CADM4: variants seen among roughly 807,000 people sequenced by gnomAD.
CADM4 encodes the protein cell adhesion molecule 4, also known as TSLC1-like 2.
In CADM4, 13 loss-of-function variants were observed where a neutral mutation model predicts 43.9. That is an observed-to-expected ratio of 0.30 (90% CI 0.19 to 0.47). CADM4 has a LOEUF of 0.47. Among genes scored for constraint, CADM4 ranks in the 20% least tolerant of loss-of-function variants. CADM4 has a pLI of 1.00. For missense variants in CADM4, 420 were observed against 527.0 expected, an observed-to-expected ratio of 0.80 and a Z score of 1.99; for synonymous variants, 209 against 220.9, an observed-to-expected ratio of 0.95 and a Z score of 0.48.
chr19:43,638,466 G>C (rs764490920), intron 1 of CADM4, among the ~76,000 whole-genome samples: 5 of 152,256 alleles, frequency 3.3e-5, no homozygotes, highest in Non-Finnish European at 7.3e-5. Flanking sequence ...CAGCCCTCCT[G>C]CTTCTGCCTA....
chr19:43,627,863 T>C lies in CADM4; in HGVS notation c.65-73A>G. ...CAATTCAATTTTTTCTTTCTCCCTCTTCCCCATCCAAACCTCCAATCCCTC... is the reference window on the plus strand; with the variant it reads ...CAATTCAATTTTTTCTTTCTCCCTCCTCCCCATCCAAACCTCCAATCCCTC... On this transcript the variant is annotated intron_variant, in intron 1 of 8. Coordinates refer to ENST00000222374, the MANE Select transcript of CADM4 (RefSeq NM_145296.2). The surrounding 1 kb of genome is among the most constrained non-coding windows in gnomAD (Gnocchi z 4.0). 1 of 1,463,994 alleles carries C rather than the reference T, an allele frequency of 6.8e-7. No individual in the cohort carries two copies. The highest frequency in any genetic ancestry group is 1.2e-5 in the South Asian group (1 of 80,392). The allele number at this position is 1,463,994 out of a possible 1,614,324, so 90.7% of individuals were successfully genotyped here.
chr19:43,640,002 G>A (rs1409866971), upstream of CADM4, among the ~76,000 whole-genome samples: 1 of 150,532 alleles, frequency 6.6e-6, no homozygotes, highest in African/African-American at 2.4e-5. Context: ...GGGTGCGAAA[G>A]CTGGAGAGGA....
chr19:43,625,927 C>T lies in CADM4; in HGVS notation c.739G>A (p.Val247Ile). ...AGAGCTCACCTGGGGTTCCCCGTGACAGCACACGTCAACACCAGCGTGTCT... is the reference window on the plus strand; with the variant it reads ...AGAGCTCACCTGGGGTTCCCCGTGATAGCACACGTCAACACCAGCGTGTCT... Reference protein sequence around the residue: ...EGDTLVLTCAVTGNPRPNQIR... With the variant: ...EGDTLVLTCAITGNPRPNQIR... Residue 247 changes from valine to isoleucine, a missense_variant, in exon 6 of 9, where the codon GTC becomes ATC. Val to Ile is a conservative substitution (Grantham distance 29, BLOSUM62 3). Coordinates refer to ENST00000222374, the MANE Select transcript of CADM4 (RefSeq NM_145296.2). This position sits in a 1 kb window ranked among gnomAD's most constrained non-coding sequence, Gnocchi z 4.5. The T allele has an allele frequency of 6.2e-7, 1 of 1,614,114 alleles. No individual in the cohort carries two copies. The highest frequency in any genetic ancestry group is 8.5e-7 in the Non-Finnish European group (1 of 1,179,986).
chr19:43,639,627 C>A lies in CADM4; in HGVS notation c.64+100G>T, dbSNP rs1035028419. 60 of 696,320 alleles carry A rather than the reference C, an allele frequency of 8.6e-5. No homozygotes were observed. In the African/African-American group the frequency reaches 1.2e-3, roughly 13 times the overall value. The allele number at this position is 696,320 out of a possible 1,614,324, so 43.1% of individuals were successfully genotyped here. ...GGGGAGGGGGCCCGGCCCGGCCCCG[C>A]GCGCATTGTTCGGCCTCTGCGGCCC... On this transcript the variant is annotated intron_variant, in intron 1 of 8. Coordinates refer to ENST00000222374, the MANE Select transcript of CADM4 (RefSeq NM_145296.2).
In CADM4 at chr19:43,623,207, T is replaced by A. The variant is rs946598981; in HGVS notation, c.*123A>T. On this transcript the variant is annotated 3_prime_UTR_variant, in exon 9 of 9. Transcript: ENST00000222374. This position sits in a 1 kb window ranked among gnomAD's most constrained non-coding sequence, Gnocchi z 4.4. The stretch of plus-strand genomic sequence containing the variant: ...CATCCCTGCCCAAGCGTCTGAGGTG[T>A]TAGTGGTGGGGGGAGAAGCCCACCA... 2 of 728,888 alleles carry A rather than the reference T, an allele frequency of 2.7e-6. No homozygotes were observed. Among genetic ancestry groups the A allele is most frequent in the Admixed American group, 3.9e-5 (2 of 51,802 alleles). 45.2% of individuals were successfully genotyped at this position (728,888 alleles called of 1,614,324 possible). A position where few individuals can be genotyped will look rare whatever the true frequency, so the allele number is the denominator to read the frequency against.
chr19:43,641,345 T>C (rs1242061479), upstream of CADM4, among the ~76,000 whole-genome samples: 1 of 152,204 alleles, frequency 6.6e-6, no homozygotes, highest in East Asian at 1.9e-4. Context: ...ACACCCTTTC[T>C]GTCCTCAGTA....
rs1568540268 is a variant in CADM4, at chr19:43,625,805, C to G, written c.755+106G>C. 4 of 932,130 alleles carry G rather than the reference C, an allele frequency of 4.3e-6. No homozygotes were observed. 57.7% of individuals were successfully genotyped at this position (932,130 alleles called of 1,614,324 possible). ...TCCTAGCTCCCTGTTTGTCCAGGTC[C>G]TCAGCTCTCTCCTCCTTAGGACCCA... On this transcript the variant is annotated intron_variant, in intron 6 of 8. Transcript: ENST00000222374. This position sits in a 1 kb window ranked among gnomAD's most constrained non-coding sequence, Gnocchi z 4.5.
chr19:43,628,376 A>G, intron 1 of CADM4, among the ~76,000 whole-genome samples: 1 of 151,522 alleles, frequency 6.6e-6, no homozygotes, highest in East Asian at 1.9e-4. Context: ...TGGAAGTTGC[A>G]GTGAGCCGAG....
chr19:43,639,542 C>A (rs1973745038), intron 1 of CADM4, among the ~76,000 whole-genome samples, 185 bp downstream of exon 1: 1 of 150,716 alleles, frequency 6.6e-6, no homozygotes, highest in Non-Finnish European at 1.5e-5. Context: ...GGCGGCCGGG[C>A]CCCGCGCCCC....
At chr19:43,635,247 G>A (rs999604812) in intron 1 of CADM4, among the ~76,000 whole-genome samples, 1 of 152,044 alleles carries the variant, frequency 6.6e-6, no homozygotes, top group African/African-American at 2.4e-5. Context: ...TCCCCAGGGG[G>A]CTCCTGGCAT....
At position 43,625,177 on chromosome 19, in the gene CADM4, T is replaced by C. The variant is rs1433958348; in HGVS notation, c.829A>G (p.Thr277Ala). The C allele has an allele frequency of 1.9e-6, 3 of 1,614,092 alleles. No homozygotes were observed. In the East Asian group the frequency reaches 6.7e-5, roughly 36 times the overall value. Reference protein sequence around the residue: ...ERAEAVGETLTLPGLVSADNG... With the variant: ...ERAEAVGETLALPGLVSADNG... ...TCCGCGGATACCAGACCCGGCAGCG[T>C]GAGCGTCTCTCCCACGGCCTCCGCC... Residue 277 changes from threonine (T) to alanine (A), a missense_variant, in exon 7 of 9, where the codon ACG (threonine) becomes GCG (alanine). Transcript: ENST00000222374. The surrounding 1 kb of genome is among the most constrained non-coding windows in gnomAD (Gnocchi z 4.5).
At chr19:43,634,554 A>AGT (rs2146157325) in intron 1 of CADM4, among the ~76,000 whole-genome samples, 1 of 133,568 alleles carries the variant, frequency 7.5e-6, no homozygotes, top group South Asian at 2.7e-4. Context: ...AGTAACCAAC[A>AGT]GTGTCTGTGC....
rs537952842 is a variant in CADM4, at chr19:43,625,209, G to A, written c.797C>T (p.Pro266Leu). 1.9e-6 allele frequency: 3 copies of A among 1,614,072 alleles called. No individual in the cohort carries two copies. The highest frequency in any genetic ancestry group is 4.5e-5 in the East Asian group (2 of 44,888). Residue 266 changes from proline to leucine, a missense_variant, in exon 7 of 9, where the codon CCG becomes CTG. Coordinates refer to ENST00000222374, the MANE Select transcript of CADM4 (RefSeq NM_145296.2). The surrounding 1 kb of genome is among the most constrained non-coding windows in gnomAD (Gnocchi z 4.5). ...IRWNRGNESL[P>L]ERAEAVGETL... is the part of the protein sequence containing the mutation. Reference sequence around the variant, plus strand: ...CTCTCCCACGGCCTCCGCCCTCTCCGGCAAAGACTCATTCCCGCGGTTCCA... The same window carrying A: ...CTCTCCCACGGCCTCCGCCCTCTCCAGCAAAGACTCATTCCCGCGGTTCCA...
chr19:43,636,705 G>A (rs1973709173), intron 1 of CADM4, among the ~76,000 whole-genome samples: 1 of 145,128 alleles, frequency 6.9e-6, no homozygotes, highest in African/African-American at 2.5e-5. Flanking sequence ...CAGCCCTGCT[G>A]TGTCTAAGGT....
chr19:43,627,212 G>C lies in CADM4; in HGVS notation c.318C>G (p.Leu106=). ...LEDEGGYFCQ[L]YTEDTHHQIA... ...TCTGGTGGTGGGTGTCTTCTGTGTA[G>C]AGCTGGCAGAAATAGCCCCCCTCGT... Residue 106 remains leucine, a synonymous_variant, in exon 3 of 9, where the codon CTC becomes CTG. Coordinates refer to ENST00000222374, the MANE Select transcript of CADM4 (RefSeq NM_145296.2). The surrounding 1 kb of genome is among the most constrained non-coding windows in gnomAD (Gnocchi z 4.0). The C allele has an allele frequency of 6.2e-7, 1 of 1,612,460 alleles. No individual in the cohort carries two copies. Among genetic ancestry groups the C allele is most frequent in the Non-Finnish European group, 8.5e-7 (1 of 1,179,076 alleles).
At chr19:43,624,053 C>T in intron 8 of CADM4, 61 bp downstream of exon 8, 1 of 1,597,368 alleles carries the variant, frequency 6.3e-7, no homozygotes, top group Non-Finnish European at 8.6e-7. Flanking sequence ...GGCTCTAGGC[C>T]CCGCCTCTTT....
chr19:43,627,585 AG>A lies in CADM4; in HGVS notation c.211+58del. ...GGTGTGTCCTCTTTCAGGACATGGG[AG>A]CCTGGGCCCCAGCCCTCTCTTCCTT... is the stretch of plus-strand genomic sequence containing the variant. On this transcript the variant is annotated intron_variant, in intron 2 of 8. Coordinates refer to ENST00000222374, the MANE Select transcript of CADM4 (RefSeq NM_145296.2). The surrounding 1 kb of genome is among the most constrained non-coding windows in gnomAD (Gnocchi z 4.0). 1 of 1,557,528 alleles carries A rather than the reference AG, an allele frequency of 6.4e-7. No individual in the cohort carries two copies. The highest frequency in any genetic ancestry group is 8.8e-7 in the Non-Finnish European group (1 of 1,139,620).
At position 43,626,945 on chromosome 19, in the gene CADM4, G is replaced by GTT. The variant is rs975063219; in HGVS notation, c.365-28_365-27insAA. 2 of 1,557,034 alleles carry GTT rather than the reference G, an allele frequency of 1.3e-6. No homozygotes were observed. Among genetic ancestry groups the GTT allele is most frequent in the Non-Finnish European group, 1.7e-6 (2 of 1,150,714 alleles). On this transcript the variant is annotated intron_variant, in intron 3 of 8. Transcript: ENST00000222374. The surrounding 1 kb of genome is among the most constrained non-coding windows in gnomAD (Gnocchi z 5.9). ...TGCCGCAGGGAGAAGGGAAGTAAGG[G>GTT]GTTAAAGAAGGCACGAACGTGGGCT...
chr19:43,641,713 A>G (rs1973772986), upstream of CADM4, among the ~76,000 whole-genome samples: 1 of 152,168 alleles, frequency 6.6e-6, no homozygotes, highest in Non-Finnish European at 1.5e-5. Context: ...CTTCTTTTTC[A>G]GTCCTCAGCT....
Sources: gnomAD v4.1 joint callset for allele counts (sites outside exome capture counted in the v4.1 genomes callset) on GRCh38, gnomAD v4.1.1 for gene constraint, Gnocchi (gnomAD v3.1) non-coding constraint, MANE v1.5 for transcripts, NCBI Gene and HGNC (gene_info 2026-07-23, HGNC 2026-07-21) for gene names.